Variants in OPCML observed in about 807,000 individuals in gnomAD.
The protein encoded by OPCML is opioid binding protein/cell adhesion molecule like.
Under a neutral mutation model 37.8 loss-of-function variants are expected in OPCML, and 13 were observed. The observed-to-expected ratio is 0.34, with a 90% CI of 0.22 to 0.55. The LOEUF is 0.55. Among genes scored for constraint, OPCML ranks in the 20% least tolerant of loss-of-function variants. The probability of loss-of-function intolerance (pLI) is 0.91; values close to 1 mark genes in which losing one functional copy is unlikely to be tolerated. For synonymous variants in OPCML, 176 were observed against 168.8 expected, an observed-to-expected ratio of 1.04 and a Z score of -0.33; for missense variants, 341 against 435.6, an observed-to-expected ratio of 0.78 and a Z score of 1.93.
At chr11:132,549,643 A>G (rs577279961) in intron 3 of OPCML, among the ~76,000 whole-genome samples, 3 of 152,358 alleles carry the variant, frequency 2.0e-5, no homozygotes, top group South Asian at 4.1e-4. Flanking sequence ...AGCTGCAGAC[A>G]TAGACAAGCA....
chr11:132,955,197 A>G (rs534745026), intron 1 of OPCML, among the ~76,000 whole-genome samples: 42 of 152,216 alleles, frequency 2.8e-4, no homozygotes, highest in African/African-American at 9.6e-4. Context: ...GTCTTATTTC[A>G]TCTTCAGCAT....
intron 2 of OPCML, among the ~76,000 whole-genome samples, chr11:132,828,882 C>T (rs1212131097): frequency 1.3e-5 from 2 of 152,188 alleles, no homozygotes; most frequent in Admixed American, 6.5e-5. Flanking sequence ...TGGCCGTGGG[C>T]TGGACACTGT....
At chr11:132,649,593 C>T (rs1436036759) in intron 3 of OPCML, among the ~76,000 whole-genome samples, 1 of 152,056 alleles carries the variant, frequency 6.6e-6, no homozygotes, top group Admixed American at 6.6e-5. Flanking sequence ...GTATTCTGGA[C>T]AGTAACTTCA....
chr11:133,403,131 C>A (rs763308267), intron 1 of OPCML, among the ~76,000 whole-genome samples: 1 of 152,178 alleles, frequency 6.6e-6, no homozygotes, highest in Non-Finnish European at 1.5e-5. Context: ...AAGTACAAAT[C>A]TGGGTCTCTA....
At chr11:133,524,396 T>C (rs1238709332) in intron 1 of OPCML, among the ~76,000 whole-genome samples, 2 of 152,216 alleles carry the variant, frequency 1.3e-5, no homozygotes, top group African/African-American at 2.4e-5. Flanking sequence ...TGCTATGCAA[T>C]TGCATTTTTG....
chr11:133,463,374 A>C (rs1212205468), intron 1 of OPCML, among the ~76,000 whole-genome samples: 2 of 152,118 alleles, frequency 1.3e-5, no homozygotes, highest in African/African-American at 4.8e-5. Flanking sequence ...TGAAGTGTAC[A>C]CTTGAAAATG....
At chr11:132,854,184 T>C (rs571372127) in intron 2 of OPCML, among the ~76,000 whole-genome samples, 1 of 152,142 alleles carries the variant, frequency 6.6e-6, no homozygotes. Context: ...AATACAGGGA[T>C]TTTTTTAAAG....
intron 1 of OPCML, among the ~76,000 whole-genome samples, chr11:133,193,884 A>G (rs1938423759): frequency 6.6e-6 from 1 of 152,230 alleles, no homozygotes; most frequent in Non-Finnish European, 1.5e-5. Flanking sequence ...AACAGCAATA[A>G]TCAATGTCCT....
chr11:132,522,576 A>T (rs902257152), intron 4 of OPCML, among the ~76,000 whole-genome samples: 1 of 152,346 alleles, frequency 6.6e-6, no homozygotes, highest in Middle Eastern at 3.4e-3. Flanking sequence ...TTGAGTTAGG[A>T]TTCAACACTA....
At chr11:132,555,914 C>G (rs1338066376) in intron 3 of OPCML, among the ~76,000 whole-genome samples, 1 of 151,932 alleles carries the variant, frequency 6.6e-6, no homozygotes, top group African/African-American at 2.4e-5. Context: ...AGGATTATAT[C>G]AAAACGTTTC....
In OPCML at chr11:133,373,636, AAAAAAGAAAAG is replaced by A. The variant is rs563546751; in HGVS notation, c.61+158617_61+158627del. ...ACAGGCCCTGTCTCAGAAACATAAA[AAAAAAGAAAAG>A]AAAAAGAAAAAAACAAAGAAAATAA... On this transcript the variant is annotated intron_variant, in intron 1 of 7. Coordinates refer to ENST00000524381, the MANE Select transcript of OPCML (RefSeq NM_001012393.5). 4.4e-3 allele frequency among the ~76,000 whole-genome samples: 664 copies of A among 151,450 alleles called. 3 individuals are homozygous for A. Among genetic ancestry groups the A allele is most frequent in the African/African-American group, 0.014 (598 of 41,358 alleles).
chr11:133,018,445 A>G (rs1326353618), intron 1 of OPCML, among the ~76,000 whole-genome samples: 2 of 151,754 alleles, frequency 1.3e-5, no homozygotes, highest in African/African-American at 4.8e-5. Flanking sequence ...AAACGTGGCC[A>G]GCCAGAACAG....
At chr11:133,214,045 G>T (rs919342725) in intron 1 of OPCML, among the ~76,000 whole-genome samples, 1 of 152,022 alleles carries the variant, frequency 6.6e-6, no homozygotes, top group Admixed American at 6.6e-5. Flanking sequence ...AACAATATTT[G>T]TTTTTATAAT....
At chr11:132,755,058 A>T (rs1343054694) in intron 2 of OPCML, among the ~76,000 whole-genome samples, 2 of 152,198 alleles carry the variant, frequency 1.3e-5, no homozygotes, top group Non-Finnish European at 2.9e-5. Flanking sequence ...AAACTCAAAT[A>T]TATAGAAAAT....
chr11:132,657,530 T>G, intron 2 of OPCML: 1 of 626,758 alleles, frequency 1.6e-6, no homozygotes. Context: ...ACAAAATCAT[T>G]TCTATTTGAC....
chr11:133,157,192 A>T (rs2137206245), intron 1 of OPCML, among the ~76,000 whole-genome samples: 1 of 152,352 alleles, frequency 6.6e-6, no homozygotes, highest in African/African-American at 2.4e-5. Context: ...GTCGGCGCGC[A>T]CACGGTGTAC....
chr11:132,553,071 A>G (rs1036783410), intron 3 of OPCML, among the ~76,000 whole-genome samples: 1 of 152,066 alleles, frequency 6.6e-6, no homozygotes, highest in Non-Finnish European at 1.5e-5. Context: ...GCCGAATTAA[A>G]CACTATTCTT....
chr11:132,986,953 G>A (rs1322108999), intron 1 of OPCML, among the ~76,000 whole-genome samples: 1 of 152,216 alleles, frequency 6.6e-6, no homozygotes, highest in African/African-American at 2.4e-5. Flanking sequence ...CCAGCACTCT[G>A]AGTGAGATGA....
intron 7 of OPCML, among the ~76,000 whole-genome samples, chr11:132,424,110 G>A (rs189056358): frequency 1.4e-5 from 2 of 147,308 alleles, no homozygotes; most frequent in East Asian, 2.0e-4. Flanking sequence ...CTAAAACCTA[G>A]AATACTAGAG....
Sources: allele counts gnomAD v4.1 joint callset (sites outside exome capture counted in the v4.1 genomes callset), GRCh38; gene constraint gnomAD v4.1.1; transcripts MANE v1.5; gene names NCBI Gene and HGNC (gene_info 2026-07-23, HGNC 2026-07-21).